Variants in RTL4 observed in about 807,000 individuals in gnomAD.
RTL4 encodes retrotransposon Gag-like protein 4.
Under a neutral mutation model 5.3 loss-of-function variants are expected in RTL4, and 4 were observed. That is an observed-to-expected ratio of 0.75 (90% CI 0.37 to 1.72). RTL4 has a LOEUF of 1.72. Ranked by LOEUF, RTL4 falls within the 40% of genes most tolerant of loss-of-function variation. The pLI is 0.04. For missense variants in RTL4, 260 were observed against 227.1 expected (o/e 1.14, Z -0.93); for synonymous variants, 98 against 87.3 (o/e 1.12, Z -0.68).
chrX:112,261,579 G>T, the RTL4 span, among the ~76,000 whole-genome samples: 1 of 111,770 alleles, frequency 8.9e-6, no homozygotes, highest in Non-Finnish European at 1.9e-5. Flanking sequence ...CATGCTCATG[G>T]ATAGGAAGAA....
At chrX:112,456,681 AG>A (rs1373879683) in exon 1 of RTL4, 7 of 213,734 alleles carry the variant, frequency 3.3e-5, no homozygotes, top group African/African-American at 1.7e-4. Flanking sequence ...GCCTCAATGT[AG>A]TCACCATCTA....
chrX:112,114,757 G>A, the RTL4 span, among the ~76,000 whole-genome samples: 1 of 111,308 alleles, frequency 9.0e-6, no homozygotes, highest in Non-Finnish European at 1.9e-5. Context: ...GCTAGGATAT[G>A]GGAGTAAGTT....
chrX:112,140,213 G>A, the RTL4 span, among the ~76,000 whole-genome samples: 3 of 111,009 alleles, frequency 2.7e-5, no homozygotes, highest in East Asian at 2.8e-4. Context: ...TTTACTTTCT[G>A]GCACTACAAG....
the RTL4 span, among the ~76,000 whole-genome samples, chrX:112,368,984 A>C: frequency 8.8e-6 from 1 of 113,014 alleles, no homozygotes; most frequent in Non-Finnish European, 1.9e-5. Flanking sequence ...ATGTGTGCAC[A>C]TGGCACTTAG....
the RTL4 span, among the ~76,000 whole-genome samples, chrX:112,407,258 C>A: frequency 9.0e-6 from 1 of 111,087 alleles, no homozygotes; most frequent in African/African-American, 3.3e-5. Flanking sequence ...TTGCCTGAAC[C>A]AAAGGGAAGC....
At chrX:112,212,946 C>A in the RTL4 span, among the ~76,000 whole-genome samples, 1 of 112,340 alleles carries the variant, frequency 8.9e-6, no homozygotes, top group African/African-American at 3.2e-5. Context: ...ACCCCCGCCC[C>A]ACCCTGCAAT....
At chrX:112,316,878 C>T in the RTL4 span, among the ~76,000 whole-genome samples, 1 of 111,474 alleles carries the variant, frequency 9.0e-6, no homozygotes, top group Admixed American at 9.6e-5. Context: ...CTCCACTGCC[C>T]AATCAGAACA....
At chrX:112,326,688 C>A in the RTL4 span, among the ~76,000 whole-genome samples, 2 of 112,077 alleles carry the variant, frequency 1.8e-5, no homozygotes, top group East Asian at 5.7e-4. Context: ...TCTGTAGGCT[C>A]CACCTCTGGG....
At chrX:112,097,281 A>C in the RTL4 span, among the ~76,000 whole-genome samples, 2 of 111,547 alleles carry the variant, frequency 1.8e-5, no homozygotes, top group African/African-American at 6.5e-5. Context: ...AATCATGGTA[A>C]TTTATTTAAA....
At chrX:112,404,924 A>G in the RTL4 span, among the ~76,000 whole-genome samples, 1 of 112,056 alleles carries the variant, frequency 8.9e-6, no homozygotes. Flanking sequence ...TTGCGTCAAA[A>G]TCACCCAGGT....
chrX:112,399,362 G>A, the RTL4 span, among the ~76,000 whole-genome samples: 2 of 110,921 alleles, frequency 1.8e-5, no homozygotes, highest in Admixed American at 9.6e-5. Context: ...TTGTATTTTG[G>A]TGTGTGTTTG....
chrX:112,134,943 A>G, the RTL4 span, among the ~76,000 whole-genome samples: 2 of 111,994 alleles, frequency 1.8e-5, no homozygotes, highest in African/African-American at 6.5e-5. Context: ...CACATTGTCT[A>G]TTAGCACATG....
chrX:112,385,652 A>C, the RTL4 span, among the ~76,000 whole-genome samples: 1 of 111,760 alleles, frequency 8.9e-6, no homozygotes, highest in Non-Finnish European at 1.9e-5. Context: ...GATTCTTTCT[A>C]CTTTATTCTC....
the RTL4 span, among the ~76,000 whole-genome samples, chrX:112,315,222 T>C: frequency 1.2e-4 from 13 of 111,251 alleles, no homozygotes; most frequent in African/African-American, 2.3e-4. Context: ...TAAAGAATCA[T>C]AGAAAGTAGA....
the RTL4 span, among the ~76,000 whole-genome samples, chrX:112,177,890 C>T: frequency 9.1e-6 from 1 of 109,696 alleles, no homozygotes; most frequent in Non-Finnish European, 1.9e-5. Context: ...TCTACTCTGT[C>T]TTTGTAGTGC....
At chrX:112,431,606 C>T in the RTL4 span, among the ~76,000 whole-genome samples, 1 of 111,838 alleles carries the variant, frequency 8.9e-6, no homozygotes, top group African/African-American at 3.3e-5. Flanking sequence ...GTCTGTCTCT[C>T]TAATTTAGGG....
chrX:112,255,704 A>G, the RTL4 span, among the ~76,000 whole-genome samples: 5 of 111,945 alleles, frequency 4.5e-5, no homozygotes, highest in Non-Finnish European at 9.4e-5. Context: ...ATTTGAAAGA[A>G]TATAAAATAA....
At chrX:112,156,531 C>T in the RTL4 span, among the ~76,000 whole-genome samples, 3 of 111,990 alleles carry the variant, frequency 2.7e-5, no homozygotes, top group Non-Finnish European at 5.6e-5. Flanking sequence ...GGCCATAGTA[C>T]TCCTGGTCCA....
the RTL4 span, among the ~76,000 whole-genome samples, chrX:112,447,171 G>C: frequency 1.8e-5 from 2 of 111,852 alleles, no homozygotes; most frequent in Non-Finnish European, 3.8e-5. Context: ...TAAGTCACTT[G>C]CTCCATACCA....
Sources: gnomAD v4.1 joint callset for allele counts (sites outside exome capture counted in the v4.1 genomes callset) on GRCh38, gnomAD v4.1.1 for gene constraint, MANE v1.5 for transcripts, NCBI Gene and HGNC (gene_info 2026-07-23, HGNC 2026-07-21) for gene names.